The following RANBP2 variants were observed in gnomAD, a reference collection of about 807,000 sequenced individuals.
RANBP2 encodes the protein E3 SUMO-protein ligase RanBP2.
Under a neutral mutation model 303.6 loss-of-function variants are expected in RANBP2, and 57 were observed. That is an observed-to-expected ratio of 0.19 (90% confidence interval 0.15 to 0.23). The LOEUF (loss-of-function observed/expected upper bound fraction) is 0.23. RANBP2 is among the 10% of genes least tolerant of loss of function. The probability of loss-of-function intolerance (pLI) is 1.00; values close to 1 mark genes in which losing one functional copy is unlikely to be tolerated. For missense variants in RANBP2, 3,138 were observed against 3,780.8 expected, an observed-to-expected ratio of 0.83 and a Z score of 4.46; for synonymous variants, 1,167 against 1,301.5, an observed-to-expected ratio of 0.90 and a Z score of 2.23.
At chr2:109,055,361 C>CTTTTTTTTTT in the RANBP2 span, among the ~76,000 whole-genome samples, 1 of 57,486 alleles carries the variant, frequency 1.7e-5, no homozygotes, top group Admixed American at 3.0e-4. Context: ...TCTATTTTTT[C>CTTTTTTTTTT]TTTTCTTTTT....
At chr2:108,850,826 C>T in the RANBP2 span, among the ~76,000 whole-genome samples, 1 of 151,942 alleles carries the variant, frequency 6.6e-6, no homozygotes, top group African/African-American at 2.4e-5. Flanking sequence ...TCCCACATGA[C>T]AATAATCATC....
chr2:108,754,406 CATG>C (rs1268673571), intron 15 of RANBP2, among the ~76,000 whole-genome samples: 1 of 151,092 alleles, frequency 6.6e-6, no homozygotes, highest in Non-Finnish European at 1.5e-5. Context: ...TTGAGATTGT[CATG>C]ATGATGTTAA....
chr2:108,741,442 T>G (rs1007613460), intron 7 of RANBP2, among the ~76,000 whole-genome samples: 13 of 148,540 alleles, frequency 8.8e-5, no homozygotes, highest in African/African-American at 2.9e-4. Flanking sequence ...GTGATCTGCC[T>G]GCCTTGGTCT....
the RANBP2 span, among the ~76,000 whole-genome samples, chr2:109,139,538 A>G: frequency 6.6e-6 from 1 of 152,194 alleles, no homozygotes; most frequent in African/African-American, 2.4e-5. Context: ...AAAACTTCCA[A>G]TGCTAGAAAT....
chr2:109,061,683 G>A, the RANBP2 span, among the ~76,000 whole-genome samples: 1 of 152,164 alleles, frequency 6.6e-6, no homozygotes, highest in African/African-American at 2.4e-5. Flanking sequence ...TAGTAGCCTT[G>A]GATGTTGTGA....
the RANBP2 span, chr2:109,348,022 A>C: frequency 6.6e-7 from 1 of 1,513,460 alleles, no homozygotes; most frequent in African/African-American, 1.4e-5. Flanking sequence ...TCCCAGCCAC[A>C]GACCTATAGC....
the RANBP2 span, chr2:109,432,698 G>A: frequency 6.3e-7 from 1 of 1,599,856 alleles, no homozygotes; most frequent in Non-Finnish European, 8.5e-7. Context: ...GGCAGCCTGG[G>A]CAAGGAGAGG....
At chr2:109,564,254 T>C in the RANBP2 span, 8 of 966,648 alleles carry the variant, frequency 8.3e-6, no homozygotes, top group African/African-American at 5.0e-5. Context: ...TGATTCTATA[T>C]CATGGTTTTG....
the RANBP2 span, among the ~76,000 whole-genome samples, chr2:108,835,381 G>C: frequency 1.3e-5 from 2 of 152,128 alleles, no homozygotes; most frequent in Non-Finnish European, 2.9e-5. Context: ...TCATTGCCAT[G>C]TGTTAGGGCC....
rs747149454 is a variant in RANBP2, at chr2:108,775,826, C to G, written c.8387C>G (p.Pro2796Arg). Residue 2796 changes from proline to arginine, a missense_variant, in exon 24 of 29, where the codon CCT becomes CGT. By Grantham distance (103) the Pro-to-Arg change is moderately radical. Around this residue, in one of 20 missense-constraint regions of RANBP2, gnomAD observed 497 missense variants for 465.8 expected, o/e 1.07. Coordinates refer to ENST00000283195, the MANE Select transcript of RANBP2 (RefSeq NM_006267.5). ...CCTTCTTTCTGTAAATCTGAAGAAC[C>G]TGATTCTATTACCAAATCCATTAGT... is the stretch of plus-strand genomic sequence containing the variant. The part of the protein sequence containing the change: ...MVPSFCKSEE[P>R]DSITKSISSP... The G allele has an allele frequency of 1.9e-6, 3 of 1,613,750 alleles. No individual in the cohort carries two copies. The highest frequency in any genetic ancestry group is 2.5e-6 in the Non-Finnish European group (3 of 1,179,914).
At chr2:109,044,639 G>A in the RANBP2 span, among the ~76,000 whole-genome samples, 32 of 152,030 alleles carry the variant, frequency 2.1e-4, no homozygotes, top group Non-Finnish European at 3.8e-4. Flanking sequence ...TCACCACAAA[G>A]CTATAGAGTG....
the RANBP2 span, among the ~76,000 whole-genome samples, chr2:108,874,422 A>G: frequency 6.6e-6 from 1 of 152,066 alleles, no homozygotes; most frequent in Non-Finnish European, 1.5e-5. Context: ...TTTAAGTTGT[A>G]TTTTCCGTGA....
the RANBP2 span, among the ~76,000 whole-genome samples, chr2:109,662,118 G>C: frequency 6.6e-6 from 1 of 152,102 alleles, no homozygotes; most frequent in Non-Finnish European, 1.5e-5. Flanking sequence ...GTCTTTCCGA[G>C]GGAGACTTTG....
chr2:109,247,941 A>G, the RANBP2 span, among the ~76,000 whole-genome samples: 37 of 152,288 alleles, frequency 2.4e-4, no homozygotes, highest in African/African-American at 8.2e-4. Context: ...GCAGACTCCA[A>G]CGTGCAAGCG....
chr2:109,436,033 AG>A, the RANBP2 span, among the ~76,000 whole-genome samples: 1 of 152,134 alleles, frequency 6.6e-6, no homozygotes, highest in Non-Finnish European at 1.5e-5. Context: ...GGTCGTGCCC[AG>A]TGATACCAGC....
At chr2:109,193,107 A>G in the RANBP2 span, among the ~76,000 whole-genome samples, 1 of 152,178 alleles carries the variant, frequency 6.6e-6, no homozygotes, top group Non-Finnish European at 1.5e-5. Context: ...TTATGAAGGA[A>G]CATTCTTAAC....
At chr2:109,418,264 C>T in the RANBP2 span, among the ~76,000 whole-genome samples, 1 of 152,144 alleles carries the variant, frequency 6.6e-6, no homozygotes, top group Non-Finnish European at 1.5e-5. Context: ...GGGAGGTGGA[C>T]CCCTTCCTCC....
the RANBP2 span, among the ~76,000 whole-genome samples, chr2:109,115,556 C>T: frequency 4.6e-5 from 7 of 152,318 alleles, no homozygotes; most frequent in African/African-American, 7.2e-5. Flanking sequence ...CTGAATACAG[C>T]GCACTGATGG....
At chr2:109,487,769 CAG>C in the RANBP2 span, among the ~76,000 whole-genome samples, 22 of 152,190 alleles carry the variant, frequency 1.4e-4, no homozygotes, top group African/African-American at 4.1e-4. Context: ...CCTCTCTACT[CAG>C]GGGCCAGAAG....
Sources: gnomAD v4.1 joint callset for allele counts (sites outside exome capture counted in the v4.1 genomes callset) on GRCh38, gnomAD v4.1.1 for gene constraint, gnomAD v4.1.1 regional missense constraint, MANE v1.5 for transcripts, NCBI Gene and HGNC (gene_info 2026-07-23, HGNC 2026-07-21) for gene names.